Variants in HAPLN1 observed in about 807,000 individuals in gnomAD.
HAPLN1 encodes the protein Cartilage link protein.
Under a neutral mutation model 36.5 loss-of-function variants are expected in HAPLN1, and 13 were observed. The ratio of observed to expected loss-of-function variants is 0.36; its 90% CI spans 0.23 to 0.57. HAPLN1 has a LOEUF of 0.57. Ranked by LOEUF, HAPLN1 falls within the 20% of genes least tolerant of loss-of-function variation. The probability of loss-of-function intolerance (pLI) is 0.83; values close to 1 mark genes in which losing one functional copy is unlikely to be tolerated. For synonymous variants in HAPLN1, 202 were observed against 169.8 expected (o/e 1.19, Z -1.48); for missense variants, 407 against 439.7 (o/e 0.93, Z 0.66).
At chr5:83,710,748 C>T (rs1015264267) in intron 1 of HAPLN1, among the ~76,000 whole-genome samples, 3 of 152,060 alleles carry the variant, frequency 2.0e-5, no homozygotes, top group Admixed American at 6.5e-5. Context: ...GTCAGGATTT[C>T]GAGACCAGCC....
chr5:83,656,785 C>T (rs921642384), intron 2 of HAPLN1, among the ~76,000 whole-genome samples: 2 of 152,078 alleles, frequency 1.3e-5, no homozygotes, highest in Non-Finnish European at 2.9e-5. Context: ...GCTGGGGCCT[C>T]GTTATTATCT....
chr5:83,661,925 A>G (rs996861121), intron 2 of HAPLN1, among the ~76,000 whole-genome samples: 8 of 152,228 alleles, frequency 5.3e-5, no homozygotes, highest in Non-Finnish European at 8.8e-5. Flanking sequence ...GGTTTGGAGC[A>G]CAAGAGCCAA....
chr5:83,699,697 A>T (rs1751464182), intron 1 of HAPLN1, among the ~76,000 whole-genome samples: 1 of 152,202 alleles, frequency 6.6e-6, no homozygotes, highest in African/African-American at 2.4e-5. Flanking sequence ...TCACGGGAAC[A>T]TTCTGCTACA....
At chr5:83,654,262 C>T (rs1227376858) in intron 2 of HAPLN1, among the ~76,000 whole-genome samples, 1 of 152,180 alleles carries the variant, frequency 6.6e-6, no homozygotes, top group African/African-American at 2.4e-5. Flanking sequence ...GCCATCAATG[C>T]CCCTCACTTT....
intron 3 of HAPLN1, among the ~76,000 whole-genome samples, chr5:83,650,034 A>C (rs561381065): frequency 6.6e-6 from 1 of 152,374 alleles, no homozygotes; most frequent in South Asian, 2.1e-4. Context: ...TACCACGAGC[A>C]CAGGACAGGT....
intron 1 of HAPLN1, among the ~76,000 whole-genome samples, chr5:83,684,389 T>C (rs936049701): frequency 1.3e-5 from 2 of 152,038 alleles, no homozygotes; most frequent in South Asian, 2.1e-4. Context: ...GGCAAGTGCA[T>C]ATAGGCATAC....
chr5:83,641,609 T>C lies in HAPLN1; in HGVS notation c.952A>G (p.Ile318Val). The change falls in exon 5 of 5, where the codon ATC (isoleucine) becomes GTC (valine). Residue 318 changes from isoleucine to valine, a missense_variant. Ile to Val is a conservative substitution (Grantham distance 29). Transcript: ENST00000274341. ...CTGCAGCGCCTTCTTGGCCTAGAGA[T>C]GGGGTAGCGGACGCTGCCATCCGCC... Reference protein sequence around the residue: ...WLADGSVRYPISRPRRRCSPT... With the variant: ...WLADGSVRYPVSRPRRRCSPT... 3 of 1,614,194 alleles carry C rather than the reference T, an allele frequency of 1.9e-6. No individual in the cohort carries two copies. The highest frequency in any genetic ancestry group is 2.5e-6 in the Non-Finnish European group (3 of 1,180,032).
At chr5:83,648,395 C>A (rs1452335704) in intron 3 of HAPLN1, among the ~76,000 whole-genome samples, 9 of 60,662 alleles carry the variant, frequency 1.5e-4, no homozygotes, top group Admixed American at 2.2e-4. Flanking sequence ...CTATATTTGA[C>A]TATATATATA....
chr5:83,694,744 T>G (rs1751353331), intron 1 of HAPLN1, among the ~76,000 whole-genome samples: 1 of 152,066 alleles, frequency 6.6e-6, no homozygotes, highest in Non-Finnish European at 1.5e-5. Context: ...AATTTTTAGT[T>G]TAAAAATTCC....
intron 2 of HAPLN1, among the ~76,000 whole-genome samples, chr5:83,663,875 T>C (rs1383372221): frequency 6.7e-6 from 1 of 148,846 alleles, no homozygotes; most frequent in Non-Finnish European, 1.5e-5. Flanking sequence ...CCTGCCACCA[T>C]GATTTCTCAC....
Position 83,669,139 on chromosome 5 carries a change from GA to G in HAPLN1, c.100+4284del, listed in dbSNP as rs549096494. Among the ~76,000 whole-genome samples, 148 of 152,278 alleles carry G rather than the reference GA, an allele frequency of 9.7e-4. 2 individuals are homozygous for G. Among genetic ancestry groups the G allele is most frequent in the African/African-American group, 3.3e-3 (138 of 41,546 alleles). On this transcript the variant is annotated intron_variant, in intron 2 of 4. Transcript: ENST00000274341. ...TGCTCACATAGTAAATACATTAAGG[GA>G]AAATATTACTTATGTTTGGAGAACT... is the stretch of plus-strand genomic sequence containing the variant.
chr5:83,644,615 GA>G lies in HAPLN1; in HGVS notation c.522del (p.His175ThrfsTer13). On this transcript the variant is annotated frameshift_variant, in exon 4 of 5. Coordinates refer to ENST00000274341, the MANE Select transcript of HAPLN1 (RefSeq NM_001884.4). LOFTEE classifies it high-confidence loss of function. Reference protein sequence around the residue: ...FPRLGRYNLNFHEAQQACLDQ... With the variant: ...FPRLGRYNLNXHEAQQACLDQ... Reference sequence around the variant, plus strand: ...TCCAGACACGCCTGCTGCGCCTCGTGAAAATTGAGATTGTAGCGCCCCAGTC... The same window carrying G: ...TCCAGACACGCCTGCTGCGCCTCGTGAAATTGAGATTGTAGCGCCCCAGTC... The G allele has an allele frequency of 6.6e-7, 1 of 1,510,336 alleles. No individual in the cohort carries two copies. The highest frequency in any genetic ancestry group is 8.9e-7 in the Non-Finnish European group (1 of 1,126,428). 93.6% of individuals were successfully genotyped at this position (1,510,336 alleles called of 1,614,324 possible). A position where few individuals can be genotyped will look rare whatever the true frequency, so the allele number is the denominator to read the frequency against.
At chr5:83,672,666 T>A (rs1369648129) in intron 2 of HAPLN1, among the ~76,000 whole-genome samples, 1 of 152,240 alleles carries the variant, frequency 6.6e-6, no homozygotes, top group Non-Finnish European at 1.5e-5. Flanking sequence ...TTATCATGCC[T>A]CTGGTACCCC....
At chr5:83,692,959 C>A (rs1043073806) in intron 1 of HAPLN1, among the ~76,000 whole-genome samples, 5 of 151,778 alleles carry the variant, frequency 3.3e-5, no homozygotes, top group Non-Finnish European at 7.4e-5. Context: ...CTAAGACACC[C>A]AGTGGATGTT....
At chr5:83,696,815 A>T (rs1468002234) in intron 1 of HAPLN1, among the ~76,000 whole-genome samples, 2 of 152,158 alleles carry the variant, frequency 1.3e-5, no homozygotes, top group East Asian at 3.8e-4. Flanking sequence ...TCAGTCACTT[A>T]CATTTCTCCT....
At chr5:83,644,785 G>A (rs1397139410) in intron 3 of HAPLN1, 120 bp from the exon 4 acceptor site, 66 of 593,430 alleles carry the variant, frequency 1.1e-4, no homozygotes, top group Non-Finnish European at 3.1e-5. Flanking sequence ...GTAGTTTTTC[G>A]TCAACTAGCA....
Position 83,652,549 on chromosome 5 carries a change from T to C in HAPLN1, c.376A>G (p.Ile126Val). 6.2e-7 allele frequency: 1 copy of C among 1,614,208 alleles called. No homozygotes were observed. The highest frequency in any genetic ancestry group is 1.1e-5 in the South Asian group (1 of 91,084). ...TAATCTTCCAGAGTGAGGTCTGTGA[T>C]GACCAGAGAAGCATCACTATCACTG... is the stretch of plus-strand genomic sequence containing the variant. Reference protein sequence around the residue: ...GGSDSDASLVITDLTLEDYGR... With the variant: ...GGSDSDASLVVTDLTLEDYGR... Residue 126 changes from isoleucine (I) to valine (V), a missense_variant, in exon 3 of 5, where the codon ATC becomes GTC. Coordinates refer to ENST00000274341, the MANE Select transcript of HAPLN1 (RefSeq NM_001884.4).
At position 83,695,613 on chromosome 5, in the gene HAPLN1, T is replaced by G. The variant is rs371305392; in HGVS notation, c.-26-22064A>C. On this transcript the variant is annotated intron_variant, in intron 1 of 4. Coordinates refer to ENST00000274341, the MANE Select transcript of HAPLN1 (RefSeq NM_001884.4). ...AAATATATATCTATATAGATATCTA[T>G]AGATATATATCTATATAGATAAATA... 2.9e-5 allele frequency among the ~76,000 whole-genome samples: 4 copies of G among 136,928 alleles called. No individual in the cohort carries two copies. The South Asian group carries it at 8.9e-4, about 30-fold the overall frequency. The allele number at this position is 136,928 out of a possible 152,430, so 89.8% of individuals were successfully genotyped here.
chr5:83,694,710 C>T (rs1161118843), intron 1 of HAPLN1, among the ~76,000 whole-genome samples: 1 of 151,854 alleles, frequency 6.6e-6, no homozygotes, highest in African/African-American at 2.4e-5. Flanking sequence ...GCCTGAATGC[C>T]CTATATCTAT....
Sources: allele counts gnomAD v4.1 joint callset (sites outside exome capture counted in the v4.1 genomes callset), GRCh38; gene constraint gnomAD v4.1.1; transcripts MANE v1.5; gene names NCBI Gene and HGNC (gene_info 2026-07-23, HGNC 2026-07-21).